The following SDK1 variants were observed in gnomAD, a reference collection of about 807,000 sequenced individuals.
The protein encoded by SDK1 is protein sidekick-1.
A neutral mutation model predicts 245.5 loss-of-function variants in SDK1; 157 were observed. The observed-to-expected ratio is 0.64, with a 90% CI of 0.56 to 0.73. The LOEUF (loss-of-function observed/expected upper bound fraction) is 0.73. Ranked by LOEUF, SDK1 falls within the 30% of genes least tolerant of loss-of-function variation. The pLI is 0.00. For missense variants in SDK1, 3,583 were observed against 3,002.3 expected (o/e 1.19, Z -4.52); for synonymous variants, 1,647 against 1,278.5 (o/e 1.29, Z -6.15).
chr7:3,548,984 A>G (rs1779316794), intron 1 of SDK1, among the ~76,000 whole-genome samples: 2 of 152,296 alleles, frequency 1.3e-5, no homozygotes, highest in South Asian at 2.1e-4. Flanking sequence ...CCTACTATCA[A>G]TATATTGGCT....
rs561717091 is a variant in SDK1 at position 3,882,524 on chromosome 7, T to C, written c.847+60941T>C. 2.0e-5 allele frequency among the ~76,000 whole-genome samples: 3 copies of C among 152,334 alleles called. No individual in the cohort carries two copies. In the East Asian group the frequency reaches 5.8e-4, roughly 29 times the overall value. ...TGTTTGGACTCAGTAAATACCTCCA[T>C]TTGGATTCTACTCATTTAGAATGTA... On this transcript the variant is annotated intron_variant, in intron 5 of 44. Transcript: ENST00000404826.
At chr7:4,262,524 T>A (rs1788083854) in intron 44 of SDK1, among the ~76,000 whole-genome samples, 1 of 151,408 alleles carries the variant, frequency 6.6e-6, no homozygotes, top group Admixed American at 6.6e-5. Flanking sequence ...CTCAGGCCAC[T>A]TTTCCGTGTG....
intron 17 of SDK1, among the ~76,000 whole-genome samples, chr7:4,044,052 C>T (rs1413499947): frequency 6.6e-6 from 1 of 152,162 alleles, no homozygotes; most frequent in African/African-American, 2.4e-5. Flanking sequence ...AACTGACTAC[C>T]CCAAAACTTA....
intron 14 of SDK1, among the ~76,000 whole-genome samples, chr7:4,004,431 A>C (rs529452355): frequency 7.2e-5 from 11 of 152,360 alleles, no homozygotes; most frequent in African/African-American, 2.6e-4. Flanking sequence ...TTTTAATGAA[A>C]GCATGCTCAT....
chr7:3,884,755 T>G (rs375055638), intron 5 of SDK1, among the ~76,000 whole-genome samples: 1 of 152,192 alleles, frequency 6.6e-6, no homozygotes, highest in African/African-American at 2.4e-5. Context: ...CGTGGTTAGA[T>G]CTCTATAAAT....
chr7:3,865,662 C>T (rs1780802941), intron 5 of SDK1, among the ~76,000 whole-genome samples: 1 of 152,002 alleles, frequency 6.6e-6, no homozygotes, highest in Admixed American at 6.6e-5. Flanking sequence ...GTGTGTACCA[C>T]CACGTCTGGC....
intron 5 of SDK1, among the ~76,000 whole-genome samples, chr7:3,854,582 A>G (rs1190541563): frequency 6.6e-6 from 1 of 152,170 alleles, no homozygotes; most frequent in Non-Finnish European, 1.5e-5. Context: ...ATGAAATGCA[A>G]TTTTTATATT....
At chr7:4,061,917 G>A (rs917156609) in intron 19 of SDK1, among the ~76,000 whole-genome samples, 11 of 145,374 alleles carry the variant, frequency 7.6e-5, no homozygotes, top group Non-Finnish European at 1.5e-4. Flanking sequence ...TCACTCATAG[G>A]TGGGAATTGA....
chr7:4,222,353 G>A (rs1299487816), intron 40 of SDK1, among the ~76,000 whole-genome samples: 1 of 152,120 alleles, frequency 6.6e-6, no homozygotes, highest in African/African-American at 2.4e-5. Context: ...GGAGTGCAGT[G>A]GTGCAATCTC....
chr7:4,012,549 C>CTTTT lies in SDK1; in HGVS notation c.2420+354_2420+357dup, dbSNP rs777199429. 6.0e-3 allele frequency among the ~76,000 whole-genome samples: 157 copies of CTTTT among 25,982 alleles called. 43 individuals are homozygous for CTTTT. The highest frequency in any genetic ancestry group is 0.011 in the East Asian group (9 of 832). The allele number at this position is 25,982 out of a possible 152,430, so 17.0% of individuals were successfully genotyped here. ...GCAAGGTATATTGTTCAATGTGAAG[C>CTTTT]TTTTTTTTTTTTTTTTTTTTTTTTT... On this transcript the variant is annotated intron_variant, in intron 16 of 44. Coordinates refer to ENST00000404826, the MANE Select transcript of SDK1 (RefSeq NM_152744.4).
intron 4 of SDK1, among the ~76,000 whole-genome samples, chr7:3,764,962 G>A (rs1046080132): frequency 1.3e-5 from 2 of 151,888 alleles, no homozygotes; most frequent in African/African-American, 4.8e-5. Context: ...TAATATGTAA[G>A]GTTTATTGTC....
intron 4 of SDK1, among the ~76,000 whole-genome samples, chr7:3,755,902 C>G (rs570995679): frequency 1.1e-4 from 17 of 151,520 alleles, no homozygotes; most frequent in African/African-American, 3.2e-4. Flanking sequence ...TGTTTTGAAT[C>G]TGACTCACAT....
intron 4 of SDK1, among the ~76,000 whole-genome samples, chr7:3,727,783 G>A (rs1317951437): frequency 1.3e-5 from 2 of 152,054 alleles, no homozygotes; most frequent in African/African-American, 2.4e-5. Context: ...GAGCCACCGC[G>A]CCCGGCCGAG....
intron 1 of SDK1, among the ~76,000 whole-genome samples, chr7:3,542,616 T>C (rs565487902): frequency 4.2e-4 from 64 of 152,358 alleles, no homozygotes; most frequent in African/African-American, 1.5e-3. Flanking sequence ...AATAACATTA[T>C]TAAAATAAAA....
intron 1 of SDK1, among the ~76,000 whole-genome samples, chr7:3,309,882 T>G (rs1779509459): frequency 6.6e-6 from 1 of 152,242 alleles, no homozygotes; most frequent in Non-Finnish European, 1.5e-5. Context: ...TCTTGGCTCT[T>G]CTAAAATGGT....
chr7:3,582,112 C>T (rs907631192), intron 1 of SDK1, among the ~76,000 whole-genome samples: 2 of 145,492 alleles, frequency 1.4e-5, no homozygotes, highest in African/African-American at 2.5e-5. Context: ...AGGTCTCCCT[C>T]AGGTAGGCCT....
At chr7:3,639,806 G>C (rs1449154284) in intron 3 of SDK1, among the ~76,000 whole-genome samples, 1 of 151,678 alleles carries the variant, frequency 6.6e-6, no homozygotes, top group African/African-American at 2.4e-5. Flanking sequence ...ATATATAATA[G>C]AGACATAACA....
At chr7:3,363,590 C>G (rs1781010281) in intron 1 of SDK1, among the ~76,000 whole-genome samples, 1 of 152,032 alleles carries the variant, frequency 6.6e-6, no homozygotes, top group Admixed American at 6.5e-5. Context: ...TTTCCATGGA[C>G]CAAGGGTGGG....
chr7:4,203,987 T>C (rs983736976), intron 35 of SDK1, among the ~76,000 whole-genome samples: 2 of 152,194 alleles, frequency 1.3e-5, no homozygotes, highest in African/African-American at 4.8e-5. Flanking sequence ...CCCTAATTTA[T>C]GGGGGTTCAC....
Sources: gnomAD v4.1 joint callset for allele counts (sites outside exome capture counted in the v4.1 genomes callset) on GRCh38, gnomAD v4.1.1 for gene constraint, MANE v1.5 for transcripts, NCBI Gene and HGNC (gene_info 2026-07-23, HGNC 2026-07-21) for gene names.